RAC3: variants seen among roughly 807,000 people sequenced by gnomAD.
The protein encoded by RAC3 is ras-related C3 botulinum toxin substrate 3.
Under a neutral mutation model 19.0 loss-of-function variants are expected in RAC3, and 9 were observed. The ratio of observed to expected loss-of-function variants is 0.47; its 90% CI spans 0.29 to 0.83. The LOEUF (loss-of-function observed/expected upper bound fraction) is 0.83, where lower values mean the gene tolerates loss of function less well. Among genes scored for constraint, RAC3 ranks in the 40% least tolerant of loss-of-function variants. The pLI, the probability that RAC3 is intolerant of heterozygous loss-of-function variation, is 0.09. For synonymous variants in RAC3, 146 were observed against 111.8 expected, an observed-to-expected ratio of 1.31 and a Z score of -1.93; for missense variants, 203 against 260.8, an observed-to-expected ratio of 0.78 and a Z score of 1.53.
chr17:82,033,633 T>A lies in RAC3; in HGVS notation c.448+34T>A, dbSNP rs377189346. 2 of 1,600,784 alleles carry A rather than the reference T, an allele frequency of 1.2e-6. No homozygotes were observed. Among genetic ancestry groups the A allele is most frequent in the African/African-American group, 2.7e-5 (2 of 74,304 alleles). ...GCGCTGGCGGCCTGCAGGGGAGGGG[T>A]GGGGAGGCGCAGTAAGGGCCTCCCT... On this transcript the variant is annotated intron_variant, in intron 5 of 5. Transcript: ENST00000306897. The surrounding 1 kb of genome is among the most constrained non-coding windows in gnomAD (Gnocchi z 6.2).
chr17:82,033,383 A>G lies in RAC3; in HGVS notation c.289-57A>G. 1 of 1,505,752 alleles carries G rather than the reference A, an allele frequency of 6.6e-7. No homozygotes were observed. Among genetic ancestry groups the G allele is most frequent in the Non-Finnish European group, 8.9e-7 (1 of 1,127,744 alleles). The allele number at this position is 1,505,752 out of a possible 1,614,324, so 93.3% of individuals were successfully genotyped here. A position where few individuals can be genotyped will look rare whatever the true frequency, so the allele number is the denominator to read the frequency against. Reference sequence around the variant, plus strand: ...AGTCCCTGAGGGCCGTGACTTGCTCAGGTGGGGCTGGGGTAGCCGACTCCG... The same window carrying G: ...AGTCCCTGAGGGCCGTGACTTGCTCGGGTGGGGCTGGGGTAGCCGACTCCG... On this transcript the variant is annotated intron_variant, in intron 4 of 5. Transcript: ENST00000306897. The surrounding 1 kb of genome is among the most constrained non-coding windows in gnomAD (Gnocchi z 6.2).
Position 82,032,720 on chromosome 17 carries a change from C to G in RAC3, c.117C>G (p.Asn39Lys). ...CCTCACTGCTCTGCAGTTTTGACAA[C>G]TACTCTGCCAACGTGATGGTGGACG... ...PGEYIPTVFD[N>K]YSANVMVDGK... The change falls in exon 3 of 6, where the codon AAC (asparagine) becomes AAG (lysine). Residue 39 changes from asparagine (N) to lysine (K), a missense_variant. This residue lies in a region of RAC3 where 49 missense variants were observed against 67.4 expected (regional missense o/e 0.73). Transcript: ENST00000306897. The G allele has an allele frequency of 6.2e-7, 1 of 1,613,044 alleles. No homozygotes were observed. The highest frequency in any genetic ancestry group is 8.5e-7 in the Non-Finnish European group (1 of 1,179,952).
chr17:82,033,900 G>C lies in RAC3; in HGVS notation c.*71G>C. 2 of 1,509,314 alleles carry C rather than the reference G, an allele frequency of 1.3e-6. No homozygotes were observed. The highest frequency in any genetic ancestry group is 2.0e-5 in the Admixed American group (1 of 49,378). 93.5% of individuals were successfully genotyped at this position (1,509,314 alleles called of 1,614,324 possible). On this transcript the variant is annotated 3_prime_UTR_variant, in exon 6 of 6. Transcript: ENST00000306897. This position sits in a 1 kb window ranked among gnomAD's most constrained non-coding sequence, Gnocchi z 6.2. ...GACGTGTCCGCTGTTGTGTTGAGACGTGTGGTGTCCCTGAGTCGGCTGTGG... is the reference window on the plus strand; with the variant it reads ...GACGTGTCCGCTGTTGTGTTGAGACCTGTGGTGTCCCTGAGTCGGCTGTGG...
intron 2 of RAC3, 61 bp downstream of exon 2, chr17:82,032,519 A>G (rs988277561): frequency 1.4e-4 from 224 of 1,582,162 alleles, no homozygotes; most frequent in Non-Finnish European, 1.9e-4. Flanking sequence ...CATGGGGGGG[A>G]CACGGGCAGG....
rs2043443813 is a variant in RAC3 at position 82,032,789 on chromosome 17, G to A, written c.186G>A (p.Glu62=). ...NLGLWDTAGQ[E]DYDRLRPLSY... is the part of the protein sequence containing the mutation. Reference sequence around the variant, plus strand: ...GGCTGTGGGACACAGCGGGTCAGGAGGACTACGATCGGCTGCGGCCACTCT... The same window carrying A: ...GGCTGTGGGACACAGCGGGTCAGGAAGACTACGATCGGCTGCGGCCACTCT... Residue 62 remains glutamate (E), a synonymous_variant, in exon 3 of 6, where the codon GAG becomes GAA. Coordinates refer to ENST00000306897, the MANE Select transcript of RAC3 (RefSeq NM_005052.3). 2.5e-6 allele frequency: 4 copies of A among 1,613,016 alleles called. No homozygotes were observed. The African/African-American group carries it at 5.3e-5, about 22-fold the overall frequency.
Position 82,033,634 on chromosome 17 carries a change from G to A in RAC3, c.448+35G>A, listed in dbSNP as rs1193849008. ...CGCTGGCGGCCTGCAGGGGAGGGGT[G>A]GGGAGGCGCAGTAAGGGCCTCCCTG... On this transcript the variant is annotated intron_variant, in intron 5 of 5. Coordinates refer to ENST00000306897, the MANE Select transcript of RAC3 (RefSeq NM_005052.3). The surrounding 1 kb of genome is among the most constrained non-coding windows in gnomAD (Gnocchi z 6.2). 2 of 1,602,498 alleles carry A rather than the reference G, an allele frequency of 1.2e-6. No homozygotes were observed. The highest frequency in any genetic ancestry group is 2.2e-5 in the East Asian group (1 of 44,678).
chr17:82,033,155 G>A lies in RAC3; in HGVS notation c.288+146G>A. ...TCTGAAGATGACCATGGGGGCTGAT[G>A]GGGTGCCGTGGTGGTGGTCACAGCT... is the stretch of plus-strand genomic sequence containing the variant. On this transcript the variant is annotated intron_variant, in intron 4 of 5. Transcript: ENST00000306897. The surrounding 1 kb of genome is among the most constrained non-coding windows in gnomAD (Gnocchi z 6.2). 3.2e-6 allele frequency: 3 copies of A among 928,808 alleles called. No homozygotes were observed. Among genetic ancestry groups the A allele is most frequent in the South Asian group, 3.0e-5 (2 of 66,532 alleles). 57.5% of individuals were successfully genotyped at this position (928,808 alleles called of 1,614,324 possible).
Position 82,033,258 on chromosome 17 carries a change from C to T in RAC3, c.289-182C>T, listed in dbSNP as rs983845034. On this transcript the variant is annotated intron_variant, in intron 4 of 5. Transcript: ENST00000306897. This position sits in a 1 kb window ranked among gnomAD's most constrained non-coding sequence, Gnocchi z 6.2. ...GGAGGCCCTGGGAGGTCTCCAGGTT[C>T]CCTGGCTGCGTGTTTGTTCCTGGTA... Among the ~76,000 whole-genome samples the T allele has an allele frequency of 6.6e-6, 1 of 152,158 alleles. No homozygotes were observed. Among genetic ancestry groups the T allele is most frequent in the Admixed American group, 6.5e-5 (1 of 15,282 alleles).
intron 1 of RAC3, chr17:82,032,177 C>T (rs2043437131): frequency 1.7e-6 from 1 of 587,050 alleles, no homozygotes; most frequent in East Asian, 2.9e-5. Context: ...TGTGGGGCGC[C>T]CTGCGCCCTT....
rs752058139 is a variant in RAC3, at chr17:82,033,775, G to C, written c.525G>C (p.Ala175=). ...CAGTGTTTGACGAGGCGATCCGCGC[G>C]GTGCTCTGCCCGCCCCCAGTGAAGA... ...LKTVFDEAIR[A]VLCPPPVKKP... is the part of the protein sequence containing the mutation. Residue 175 remains alanine (A), a synonymous_variant, in exon 6 of 6, where the codon GCG becomes GCC. Coordinates refer to ENST00000306897, the MANE Select transcript of RAC3 (RefSeq NM_005052.3). This position sits in a 1 kb window ranked among gnomAD's most constrained non-coding sequence, Gnocchi z 6.2. 1 of 1,612,324 alleles carries C rather than the reference G, an allele frequency of 6.2e-7. No individual in the cohort carries two copies. The highest frequency in any genetic ancestry group is 1.3e-5 in the African/African-American group (1 of 74,890).
At position 82,033,540 on chromosome 17, in the gene RAC3, G is replaced by A. The variant is rs367867656; in HGVS notation, c.389G>A (p.Arg130Gln). 54 of 1,612,856 alleles carry A rather than the reference G, an allele frequency of 3.3e-5. No homozygotes were observed. Among genetic ancestry groups the A allele is most frequent in the Middle Eastern group, 1.7e-4 (1 of 6,054 alleles). The part of the protein sequence containing the change: ...RDDKDTIERL[R>Q]DKKLAPITYP... Reference sequence around the variant, plus strand: ...GACAAGGACACCATTGAGCGGCTGCGGGACAAGAAGCTGGCACCCATCACC... The same window carrying A: ...GACAAGGACACCATTGAGCGGCTGCAGGACAAGAAGCTGGCACCCATCACC... The change falls in exon 5 of 6, where the codon CGG becomes CAG. Residue 130 changes from arginine (R) to glutamine (Q), a missense_variant. Physicochemically the swap from Arg to Gln is conservative, Grantham distance 43. Transcript: ENST00000306897. The surrounding 1 kb of genome is among the most constrained non-coding windows in gnomAD (Gnocchi z 6.2).
rs778919568 is a variant in RAC3, at chr17:82,033,026, G to T, written c.288+17G>T. 6.2e-7 allele frequency: 1 copy of T among 1,608,880 alleles called. No individual in the cohort carries two copies. Among genetic ancestry groups the T allele is most frequent in the Admixed American group, 1.7e-5 (1 of 60,028 alleles). On this transcript the variant is annotated intron_variant, in intron 4 of 5. Transcript: ENST00000306897. This position sits in a 1 kb window ranked among gnomAD's most constrained non-coding sequence, Gnocchi z 6.2. ...CGTGCCAAGGTAGGGCAAGGCTGGG[G>T]GCCCCTGTGGGGAGAGGGCTTGCCC...
At position 82,033,105 on chromosome 17, in the gene RAC3, C is replaced by A; in HGVS notation, c.288+96C>A. 1 of 1,359,752 alleles carries A rather than the reference C, an allele frequency of 7.4e-7. No individual in the cohort carries two copies. Among genetic ancestry groups the A allele is most frequent in the Non-Finnish European group, 1.0e-6 (1 of 964,352 alleles). The allele number at this position is 1,359,752 out of a possible 1,614,324, so 84.2% of individuals were successfully genotyped here. On this transcript the variant is annotated intron_variant, in intron 4 of 5. Transcript: ENST00000306897. The surrounding 1 kb of genome is among the most constrained non-coding windows in gnomAD (Gnocchi z 6.2). ...AGAGGCAATTGCGATACGGGTTCTGCCTGGGGTAGGCACACGGAGTGGGGT... is the reference window on the plus strand; with the variant it reads ...AGAGGCAATTGCGATACGGGTTCTGACTGGGGTAGGCACACGGAGTGGGGT...
In RAC3 at chr17:82,033,978, G is replaced by C; in HGVS notation, c.*149G>C. The C allele has an allele frequency of 9.3e-7, 1 of 1,077,274 alleles. No individual in the cohort carries two copies. Among genetic ancestry groups the C allele is most frequent in the Non-Finnish European group, 1.3e-6 (1 of 770,304 alleles). The allele number at this position is 1,077,274 out of a possible 1,614,324, so 66.7% of individuals were successfully genotyped here. A position where few individuals can be genotyped will look rare whatever the true frequency, so the allele number is the denominator to read the frequency against. ...GCATGGGGATGAGGCTGGGTGGCAGGATCCTGTCCTCTCTGCCGCCTCATT... is the reference window on the plus strand; with the variant it reads ...GCATGGGGATGAGGCTGGGTGGCAGCATCCTGTCCTCTCTGCCGCCTCATT... On this transcript the variant is annotated 3_prime_UTR_variant, in exon 6 of 6. Coordinates refer to ENST00000306897, the MANE Select transcript of RAC3 (RefSeq NM_005052.3). The surrounding 1 kb of genome is among the most constrained non-coding windows in gnomAD (Gnocchi z 6.2).
At chr17:82,032,484 G>A in intron 2 of RAC3, 26 bp downstream of exon 2, 1 of 1,609,538 alleles carries the variant, frequency 6.2e-7, no homozygotes, top group South Asian at 1.1e-5. Flanking sequence ...TCCCGGGAGA[G>A]CACAGGCCCT....
At position 82,033,598 on chromosome 17, in the gene RAC3, T is replaced by C. The variant is rs757308083; in HGVS notation, c.447T>C (p.Ile149=). 6.2e-7 allele frequency: 1 copy of C among 1,608,762 alleles called. No individual in the cohort carries two copies. Reference sequence around the variant, plus strand: ...AGGGCCTGGCCATGGCCCGGGAGATTGGTGGGTAGGCGCTGGCGGCCTGCA... The same window carrying C: ...AGGGCCTGGCCATGGCCCGGGAGATCGGTGGGTAGGCGCTGGCGGCCTGCA... ...YPQGLAMARE[I]GSVKYLECSA... is the part of the protein sequence containing the mutation. Residue 149 remains isoleucine (I), a splice_region_variant and synonymous_variant, in exon 5 of 6, where the codon ATT becomes ATC. Transcript: ENST00000306897. This position sits in a 1 kb window ranked among gnomAD's most constrained non-coding sequence, Gnocchi z 6.2.
chr17:82,031,733 C>T lies in RAC3; in HGVS notation c.-29C>T, dbSNP rs528455752. On this transcript the variant is annotated 5_prime_UTR_variant, in exon 1 of 6. Transcript: ENST00000306897. ...CATTTCTCCGCAGCTCGGCTCGCGGCCGCGCCCGCCGCCGCCCGGCCCGCG... is the reference window on the plus strand; with the variant it reads ...CATTTCTCCGCAGCTCGGCTCGCGGTCGCGCCCGCCGCCGCCCGGCCCGCG... The T allele has an allele frequency of 1.2e-5, 12 of 990,924 alleles. No individual in the cohort carries two copies. The highest frequency in any genetic ancestry group is 1.3e-5 in the Non-Finnish European group (11 of 835,424). The allele number at this position is 990,924 out of a possible 1,614,324, so 61.4% of individuals were successfully genotyped here. A position where few individuals can be genotyped will look rare whatever the true frequency, so the allele number is the denominator to read the frequency against.
chr17:82,033,448 G>C lies in RAC3; in HGVS notation c.297G>C (p.Pro99=), dbSNP rs781416555. 6 of 1,604,708 alleles carry C rather than the reference G, an allele frequency of 3.7e-6. No individual in the cohort carries two copies. In the East Asian group the frequency reaches 1.3e-4, roughly 36 times the overall value. ...SFENVRAKWY[P]EVRHHCPHTP... is the part of the protein sequence containing the mutation. ...AGCGTCTGTCCCTGCAGTGGTACCCGGAGGTGCGGCACCACTGCCCCCACA... is the reference window on the plus strand; with the variant it reads ...AGCGTCTGTCCCTGCAGTGGTACCCCGAGGTGCGGCACCACTGCCCCCACA... Residue 99 remains proline (P), a synonymous_variant, in exon 5 of 6, where the codon CCG becomes CCC. Transcript: ENST00000306897. The surrounding 1 kb of genome is among the most constrained non-coding windows in gnomAD (Gnocchi z 6.2).
At position 82,031,994 on chromosome 17, in the gene RAC3, G is replaced by T. The variant is rs186965262; in HGVS notation, c.35+198G>T. 2.4e-3 allele frequency: 434 copies of T among 183,464 alleles called. 2 individuals carry two copies. The highest frequency in any genetic ancestry group is 9.9e-3 in the African/African-American group (419 of 42,184). The allele number at this position is 183,464 out of a possible 1,614,324, so 11.4% of individuals were successfully genotyped here. ...GGCGGGGTCCGCGGGCCTCCAGCTCGGGCCCACCTGATGCTGCCCGGCTCC... is the reference window on the plus strand; with the variant it reads ...GGCGGGGTCCGCGGGCCTCCAGCTCTGGCCCACCTGATGCTGCCCGGCTCC... On this transcript the variant is annotated intron_variant, in intron 1 of 5. Coordinates refer to ENST00000306897, the MANE Select transcript of RAC3 (RefSeq NM_005052.3).
Sources: allele counts gnomAD v4.1 joint callset (sites outside exome capture counted in the v4.1 genomes callset), GRCh38; gene constraint gnomAD v4.1.1; regional missense constraint gnomAD v4.1.1; non-coding constraint Gnocchi (gnomAD v3.1); transcripts MANE v1.5; gene names NCBI Gene and HGNC (gene_info 2026-07-23, HGNC 2026-07-21).